MLLT3: variants seen among roughly 807,000 people sequenced by gnomAD.
The protein encoded by MLLT3 is protein AF-9.
MLLT3 carries 4 observed loss-of-function variants against 53.2 expected under a neutral mutation model. The ratio of observed to expected loss-of-function variants is 0.08; its 90% confidence interval spans 0.04 to 0.17. MLLT3 has a LOEUF of 0.17. Among genes scored for constraint, MLLT3 ranks in the 10% least tolerant of loss-of-function variants. The pLI, the probability that MLLT3 is intolerant of heterozygous loss-of-function variation, is 1.00. For synonymous variants in MLLT3, 283 were observed against 230.6 expected (o/e 1.23, Z -2.06); for missense variants, 569 against 684.0 (o/e 0.83, Z 1.87).
chr9:20,475,089 G>GA (rs975504192), intron 2 of MLLT3, among the ~76,000 whole-genome samples: 6 of 152,066 alleles, frequency 3.9e-5, no homozygotes, highest in Non-Finnish European at 8.8e-5. Flanking sequence ...ATGAATGAAT[G>GA]AAAAATCCAT....
intron 2 of MLLT3, among the ~76,000 whole-genome samples, chr9:20,488,912 A>G (rs10121168): frequency 0.11 from 17,428 of 152,246 alleles, 1,134 homozygotes; most frequent in South Asian, 0.25. Context: ...CTCTGTAATA[A>G]AATTCAAAGG....
intron 2 of MLLT3, among the ~76,000 whole-genome samples, chr9:20,599,817 G>A (rs1178561912): frequency 3.3e-5 from 5 of 152,124 alleles, no homozygotes; most frequent in Non-Finnish European, 7.4e-5. Context: ...CATATTCATA[G>A]GCCACATGGA....
At chr9:20,470,275 C>G (rs921383525) in intron 2 of MLLT3, among the ~76,000 whole-genome samples, 1 of 151,852 alleles carries the variant, frequency 6.6e-6, no homozygotes, top group African/African-American at 2.4e-5. Flanking sequence ...ATGTTTATCA[C>G]GTTAGTAGCA....
chr9:20,541,515 G>A (rs1044980493), intron 2 of MLLT3, among the ~76,000 whole-genome samples: 3 of 152,292 alleles, frequency 2.0e-5, no homozygotes, highest in Admixed American at 2.0e-4. Flanking sequence ...CATCTCACAT[G>A]GCAGCAGGAG....
intron 4 of MLLT3, among the ~76,000 whole-genome samples, chr9:20,416,016 G>A (rs1053980915): frequency 5.9e-5 from 9 of 151,696 alleles, no homozygotes; most frequent in Non-Finnish European, 1.3e-4. Context: ...CACTAAATTA[G>A]ATAATTCCTT....
intron 4 of MLLT3, among the ~76,000 whole-genome samples, chr9:20,423,280 C>G (rs916433364): frequency 1.3e-5 from 2 of 152,118 alleles, no homozygotes; most frequent in East Asian, 3.8e-4. Flanking sequence ...GCCAATATAA[C>G]CTGGGCCAGA....
intron 2 of MLLT3, among the ~76,000 whole-genome samples, chr9:20,583,445 G>A (rs1456810161): frequency 6.6e-6 from 1 of 152,134 alleles, no homozygotes; most frequent in South Asian, 2.1e-4. Flanking sequence ...TGCCCCAGTA[G>A]GGACTCTGTG....
rs1009005648 is a variant in MLLT3 at position 20,346,406 on chromosome 9, A to C, written c.*37T>G. 74 of 1,474,800 alleles carry C rather than the reference A, an allele frequency of 5.0e-5. No homozygotes were observed. Among genetic ancestry groups the C allele is most frequent in the Admixed American group, 7.5e-5 (3 of 39,898 alleles). 91.4% of individuals were successfully genotyped at this position (1,474,800 alleles called of 1,614,324 possible). On this transcript the variant is annotated 3_prime_UTR_variant, in exon 11 of 11. Coordinates refer to ENST00000380338, the MANE Select transcript of MLLT3 (RefSeq NM_004529.4). Reference sequence around the variant, plus strand: ...AAAAAAAAAAAAACCAAAAAAAAAAAACACAATAGTTCTTGATGCATCCAG... The same window carrying C: ...AAAAAAAAAAAAACCAAAAAAAAAACACACAATAGTTCTTGATGCATCCAG...
chr9:20,475,342 C>T (rs1186299726), intron 2 of MLLT3, among the ~76,000 whole-genome samples: 2 of 152,080 alleles, frequency 1.3e-5, no homozygotes, highest in Non-Finnish European at 2.9e-5. Flanking sequence ...CATCCCCTAA[C>T]TCTTAACAAC....
At chr9:20,348,676 T>A (rs938561298) in intron 10 of MLLT3, among the ~76,000 whole-genome samples, 2 of 152,214 alleles carry the variant, frequency 1.3e-5, no homozygotes, top group Non-Finnish European at 2.9e-5. Context: ...AAGAAATTCT[T>A]AGAAGGAGTG....
chr9:20,506,539 T>C (rs148684536), intron 2 of MLLT3, among the ~76,000 whole-genome samples: 75 of 152,310 alleles, frequency 4.9e-4, no homozygotes, highest in Middle Eastern at 6.8e-3. Flanking sequence ...GCTGTTAGTA[T>C]AAGGATACAG....
intron 2 of MLLT3, among the ~76,000 whole-genome samples, chr9:20,585,634 G>C (rs778424529): frequency 2.0e-5 from 3 of 152,092 alleles, no homozygotes; most frequent in Non-Finnish European, 4.4e-5. Context: ...CATTGTTTTT[G>C]TTAATTTGCA....
rs746956418 is a variant in MLLT3 at position 20,448,225 on chromosome 9, C to A, written c.318G>T (p.Leu106=). The A allele has an allele frequency of 2.5e-6, 4 of 1,613,302 alleles. No individual in the cohort carries two copies. The African/African-American group carries it at 4.0e-5, about 16-fold the overall frequency. The stretch of plus-strand genomic sequence containing the variant: ...TCACTGGTGGATGGCCTTCAAGATG[C>A]AGGAATAAGTCATAATCAAAGCGGA... ...RKVRFDYDLF[L]HLEGHPPVNH... Residue 106 remains leucine (L), a synonymous_variant, in exon 4 of 11, where the codon CTG becomes CTT. Transcript: ENST00000380338. This position sits in a 1 kb window ranked among gnomAD's most constrained non-coding sequence, Gnocchi z 4.0.
intron 2 of MLLT3, among the ~76,000 whole-genome samples, chr9:20,472,548 G>C (rs531582798): frequency 7.9e-5 from 12 of 152,136 alleles, no homozygotes; most frequent in African/African-American, 2.9e-4. Flanking sequence ...CATTAAACAA[G>C]TGAAGGTGCC....
At chr9:20,367,305 G>T (rs1455741355) in intron 5 of MLLT3, among the ~76,000 whole-genome samples, 2 of 152,134 alleles carry the variant, frequency 1.3e-5, no homozygotes, top group East Asian at 3.9e-4. Context: ...TTTCTTGTTA[G>T]AGGTACAACA....
At chr9:20,560,519 T>C (rs1819175986) in intron 2 of MLLT3, among the ~76,000 whole-genome samples, 1 of 152,138 alleles carries the variant, frequency 6.6e-6, no homozygotes, top group Non-Finnish European at 1.5e-5. Flanking sequence ...TGGAGCTAGA[T>C]AAACAGCAAG....
chr9:20,346,558 T>C lies in MLLT3; in HGVS notation c.1592A>G (p.Glu531Gly). 8 of 1,613,570 alleles carry C rather than the reference T, an allele frequency of 5.0e-6. No individual in the cohort carries two copies. Among genetic ancestry groups the C allele is most frequent in the Non-Finnish European group, 6.8e-6 (8 of 1,179,666 alleles). Residue 531 changes from glutamate (E) to glycine (G), a missense_variant, in exon 11 of 11, where the codon GAA becomes GGA. Coordinates refer to ENST00000380338, the MANE Select transcript of MLLT3 (RefSeq NM_004529.4). Reference sequence around the variant, plus strand: ...TGTGATATGAAAGTGTCCAGTTTCTTCTATAAGGTTCACGATCTAGAGGAG... The same window carrying C: ...TGTGATATGAAAGTGTCCAGTTTCTCCTATAAGGTTCACGATCTAGAGGAG... Reference protein sequence around the residue: ...HILQQIVNLIEETGHFHITNT... With the variant: ...HILQQIVNLIGETGHFHITNT...
chr9:20,571,723 G>GA (rs1819538213), intron 2 of MLLT3, among the ~76,000 whole-genome samples: 1 of 152,138 alleles, frequency 6.6e-6, no homozygotes, highest in Non-Finnish European at 1.5e-5. Context: ...CAAAGGACCT[G>GA]AAAAGACATT....
chr9:20,513,736 C>T (rs1817825065), intron 2 of MLLT3, among the ~76,000 whole-genome samples: 1 of 152,190 alleles, frequency 6.6e-6, no homozygotes, highest in Non-Finnish European at 1.5e-5. Context: ...GGCTCGACCA[C>T]ACTGAGGAAC....
Sources: gnomAD v4.1 joint callset for allele counts (sites outside exome capture counted in the v4.1 genomes callset) on GRCh38, gnomAD v4.1.1 for gene constraint, Gnocchi (gnomAD v3.1) non-coding constraint, MANE v1.5 for transcripts, NCBI Gene and HGNC (gene_info 2026-07-23, HGNC 2026-07-21) for gene names.